The following HPSE2 variants were observed in gnomAD, a reference collection of about 807,000 sequenced individuals.
HPSE2 encodes heparanase 2 (inactive).
A neutral mutation model predicts 60.5 loss-of-function variants in HPSE2; 38 were observed. That is an observed-to-expected ratio of 0.63 (90% CI 0.48 to 0.82). The LOEUF is 0.82. Ranked by LOEUF, HPSE2 falls within the 40% of genes least tolerant of loss-of-function variation. The pLI is 0.00. For synonymous variants in HPSE2, 295 were observed against 293.2 expected, an observed-to-expected ratio of 1.01 and a Z score of -0.06; for missense variants, 713 against 740.4, an observed-to-expected ratio of 0.96 and a Z score of 0.43.
At chr10:98,870,536 C>T (rs966373308) in intron 3 of HPSE2, among the ~76,000 whole-genome samples, 5 of 152,104 alleles carry the variant, frequency 3.3e-5, no homozygotes, top group African/African-American at 9.7e-5. Context: ...TGAAAACAGC[C>T]TCAGCAATAG....
rs941306070 is a variant in HPSE2, at chr10:98,866,731, AAAC to A, written c.611-122678_611-122676del. ...ATTTAAAGTACTTAAAGAATAAAAC[AAAC>A]AACAACAAGAAAAAACCTGTCAACC... On this transcript the variant is annotated intron_variant, in intron 3 of 11. Transcript: ENST00000370552. 5.3e-5 allele frequency among the ~76,000 whole-genome samples: 8 copies of A among 151,930 alleles called. No individual in the cohort carries two copies. In the South Asian group the frequency reaches 6.2e-4, roughly 12 times the overall value.
chr10:98,870,024 G>A (rs995573913), intron 3 of HPSE2, among the ~76,000 whole-genome samples: 3 of 152,118 alleles, frequency 2.0e-5, no homozygotes, highest in South Asian at 4.2e-4. Flanking sequence ...TTAACTCTTC[G>A]GATTTAGAAA....
At chr10:98,579,342 T>C (rs563835667) in intron 9 of HPSE2, among the ~76,000 whole-genome samples, 5 of 152,180 alleles carry the variant, frequency 3.3e-5, no homozygotes, top group Non-Finnish European at 7.3e-5. Flanking sequence ...AAGCAAAATC[T>C]AGAATGGGAA....
intron 6 of HPSE2, among the ~76,000 whole-genome samples, chr10:98,656,754 C>T (rs1467647611): frequency 6.6e-6 from 1 of 150,888 alleles, no homozygotes; most frequent in Non-Finnish European, 1.5e-5. Context: ...ATAGAATCAG[C>T]TGATAGGTTT....
chr10:98,911,035 A>AAGAGG (rs1475745076), intron 3 of HPSE2, among the ~76,000 whole-genome samples: 1 of 152,224 alleles, frequency 6.6e-6, no homozygotes, highest in East Asian at 1.9e-4. Flanking sequence ...GAAGAAAAGC[A>AAGAGG]AGAAGAGAGG....
intron 9 of HPSE2, among the ~76,000 whole-genome samples, chr10:98,496,883 C>A (rs1332640011): frequency 7.3e-5 from 11 of 151,712 alleles, no homozygotes; most frequent in Non-Finnish European, 1.3e-4. Flanking sequence ...GGTTTTTTGA[C>A]ATGGAGAATT....
At chr10:99,154,628 G>T (rs1846448864) in intron 2 of HPSE2, among the ~76,000 whole-genome samples, 1 of 151,726 alleles carries the variant, frequency 6.6e-6, no homozygotes, top group Non-Finnish European at 1.5e-5. Flanking sequence ...GGAACAACCG[G>T]TACCAGCCGC....
chr10:98,851,092 C>T (rs1424690978), intron 3 of HPSE2, among the ~76,000 whole-genome samples: 1 of 152,198 alleles, frequency 6.6e-6, no homozygotes, highest in Non-Finnish European at 1.5e-5. Flanking sequence ...GATTATTCCA[C>T]ATAGTGATAG....
chr10:99,239,151 C>T (rs1189941829), upstream of HPSE2, among the ~76,000 whole-genome samples: 1 of 151,936 alleles, frequency 6.6e-6, no homozygotes, highest in Non-Finnish European at 1.5e-5. Context: ...AAGAGCAAGA[C>T]TCTGTCTCAA....
At chr10:99,088,572 T>C (rs1325593552) in intron 3 of HPSE2, among the ~76,000 whole-genome samples, 1 of 152,224 alleles carries the variant, frequency 6.6e-6, no homozygotes, top group African/African-American at 2.4e-5. Flanking sequence ...CTATGGTGTA[T>C]ATATACCACA....
chr10:99,266,057 A>C, the HPSE2 span, among the ~76,000 whole-genome samples: 1 of 152,238 alleles, frequency 6.6e-6, no homozygotes, highest in Non-Finnish European at 1.5e-5. Flanking sequence ...GGAACTGGGA[A>C]AAGACCACAG....
intron 3 of HPSE2, among the ~76,000 whole-genome samples, chr10:98,870,839 GAGGCAGATCCCTCATGA>G (rs1014282475): frequency 6.6e-5 from 10 of 151,862 alleles, no homozygotes; most frequent in Non-Finnish European, 1.2e-4. Flanking sequence ...TTGAATCATG[GAGGCAGATCCCTCATGA>G]AGGCAGATCC....
chr10:99,309,089 A>T, the HPSE2 span, among the ~76,000 whole-genome samples: 1 of 152,160 alleles, frequency 6.6e-6, no homozygotes, highest in Non-Finnish European at 1.5e-5. Context: ...AAGACCACAC[A>T]TTGTATGACT....
chr10:98,798,868 G>C (rs986848981), intron 3 of HPSE2, among the ~76,000 whole-genome samples: 3 of 152,148 alleles, frequency 2.0e-5, no homozygotes, highest in Non-Finnish European at 2.9e-5. Context: ...AAAATGGCAA[G>C]AGTAAGTCTG....
chr10:98,790,215 T>G (rs190587393), intron 3 of HPSE2, among the ~76,000 whole-genome samples: 13 of 152,386 alleles, frequency 8.5e-5, no homozygotes, highest in African/African-American at 3.1e-4. Flanking sequence ...CACATTTTAT[T>G]TATTCATTCC....
At chr10:99,158,897 T>G (rs1209098360) in intron 2 of HPSE2, among the ~76,000 whole-genome samples, 1 of 152,024 alleles carries the variant, frequency 6.6e-6, no homozygotes, top group South Asian at 2.1e-4. Flanking sequence ...GTGAAAGACA[T>G]AAATTCAATC....
chr10:98,715,609 C>T (rs1364162442), intron 5 of HPSE2, among the ~76,000 whole-genome samples: 1 of 151,986 alleles, frequency 6.6e-6, no homozygotes. Flanking sequence ...AAGAGAGTCA[C>T]ACAAATTATT....
intron 3 of HPSE2, among the ~76,000 whole-genome samples, chr10:98,802,451 C>T (rs1209055340): frequency 6.9e-6 from 1 of 145,932 alleles, no homozygotes; most frequent in Non-Finnish European, 1.5e-5. Flanking sequence ...GGTATAACTC[C>T]TAAAGCTATC....
chr10:99,114,651 A>G (rs564291372), intron 3 of HPSE2, among the ~76,000 whole-genome samples: 1 of 152,274 alleles, frequency 6.6e-6, no homozygotes, highest in African/African-American at 2.4e-5. Flanking sequence ...GCGGTGGCTC[A>G]TGCCTGTAAT....
Sources: allele counts gnomAD v4.1 joint callset (sites outside exome capture counted in the v4.1 genomes callset), GRCh38; gene constraint gnomAD v4.1.1; transcripts MANE v1.5; gene names NCBI Gene and HGNC (gene_info 2026-07-23, HGNC 2026-07-21).